Variants in RNLS observed in about 807,000 individuals in gnomAD.
The protein encoded by RNLS is renalase, FAD dependent amine oxidase.
RNLS carries 39 observed loss-of-function variants against 39.8 expected under a neutral mutation model. The observed-to-expected ratio is 0.98, with a 90% CI of 0.76 to 1.28. RNLS has a LOEUF of 1.28. RNLS is among the 50% of genes most tolerant of loss of function. The pLI, the probability that RNLS is intolerant of heterozygous loss-of-function variation, is 0.00. For synonymous variants in RNLS, 147 were observed against 150.7 expected (o/e 0.98, Z 0.18); for missense variants, 410 against 413.3 (o/e 0.99, Z 0.07).
At chr10:88,306,721 C>G (rs575554859) in intron 6 of RNLS, among the ~76,000 whole-genome samples, 21 of 152,212 alleles carry the variant, frequency 1.4e-4, no homozygotes, top group African/African-American at 5.1e-4. Flanking sequence ...CAGGACCAAA[C>G]AGATTCACCA....
chr10:88,200,318 G>T, the RNLS span, among the ~76,000 whole-genome samples: 3 of 152,306 alleles, frequency 2.0e-5, no homozygotes, highest in African/African-American at 7.2e-5. Context: ...CATGCTTACT[G>T]CACACTTAGT....
the RNLS span, among the ~76,000 whole-genome samples, chr10:88,187,359 A>G: frequency 6.6e-6 from 1 of 151,720 alleles, no homozygotes; most frequent in African/African-American, 2.4e-5. Context: ...TCCTTAGAAC[A>G]ATCGAGAATT....
At chr10:88,222,553 G>A in the RNLS span, among the ~76,000 whole-genome samples, 1 of 152,146 alleles carries the variant, frequency 6.6e-6, no homozygotes, top group Non-Finnish European at 1.5e-5. Context: ...AACCTCAGAT[G>A]ACAACATTGA....
rs531117505 is a variant in RNLS, at chr10:88,314,537, G to A, written c.805C>T (p.Gln269Ter). 1.4e-4 allele frequency: 230 copies of A among 1,614,012 alleles called. 3 individuals carry two copies. The South Asian group carries it at 1.8e-3, about 12-fold the overall frequency. The change falls in exon 6 of 7, where the codon CAG becomes TAG. Residue 269 changes from glutamine to a stop codon, truncating the protein, a stop_gained. Coordinates refer to ENST00000331772, the MANE Select transcript of RNLS (RefSeq NM_001031709.3). LOFTEE classifies it high-confidence loss of function. ...AAACCCGGCAAAATGTTTTCCAGCT[G>A]CTGGAAGACTAACTCTTGCACATCC... Reference protein sequence around the residue: ...IEDVQELVFQQLENILPGLPQ... With the variant: ...IEDVQELVFQ
At chr10:88,182,942 G>A in the RNLS span, among the ~76,000 whole-genome samples, 4 of 151,988 alleles carry the variant, frequency 2.6e-5, no homozygotes, top group Admixed American at 6.6e-5. Flanking sequence ...CTACATGCCC[G>A]GCACTTACCA....
chr10:88,530,901 A>G (rs1847384905), intron 4 of RNLS, among the ~76,000 whole-genome samples: 1 of 152,214 alleles, frequency 6.6e-6, no homozygotes, highest in Non-Finnish European at 1.5e-5. Flanking sequence ...TCCACAGGAA[A>G]CAAAGAGGGA....
chr10:88,274,849 C>T, exon 7 of RNLS: 1 of 767,074 alleles, frequency 1.3e-6, no homozygotes, highest in Non-Finnish European at 2.2e-6. Flanking sequence ...TCCTTGCCAA[C>T]ATTTATCTTC....
At chr10:88,367,489 G>T (rs1850217636) in intron 4 of RNLS, among the ~76,000 whole-genome samples, 1 of 152,132 alleles carries the variant, frequency 6.6e-6, no homozygotes, top group African/African-American at 2.4e-5. Context: ...CATAGGGATT[G>T]TTTGTAGATT....
the RNLS span, among the ~76,000 whole-genome samples, chr10:88,265,612 T>C: frequency 6.6e-6 from 1 of 152,128 alleles, no homozygotes; most frequent in Non-Finnish European, 1.5e-5. Flanking sequence ...ATTTTGCAGC[T>C]ATCGTGAAAG....
chr10:88,476,861 T>C (rs1843850470), intron 4 of RNLS, among the ~76,000 whole-genome samples: 1 of 152,212 alleles, frequency 6.6e-6, no homozygotes, highest in South Asian at 2.1e-4. Flanking sequence ...TCATAAAACA[T>C]GCAAACCCAA....
chr10:88,195,439 C>T, the RNLS span, among the ~76,000 whole-genome samples: 1 of 152,118 alleles, frequency 6.6e-6, no homozygotes, highest in East Asian at 1.9e-4. Context: ...CCTTTGCTAC[C>T]CTCCATTGCC....
At chr10:88,226,738 C>CTTTTTTTT in the RNLS span, among the ~76,000 whole-genome samples, 3 of 69,444 alleles carry the variant, frequency 4.3e-5, no homozygotes, top group Non-Finnish European at 2.6e-5. Context: ...TCTCCCTTCA[C>CTTTTTTTT]TTTTTTTTTT....
intron 3 of RNLS, among the ~76,000 whole-genome samples, chr10:88,576,641 G>A (rs562603244): frequency 2.0e-4 from 30 of 152,230 alleles, no homozygotes; most frequent in East Asian, 1.7e-3. Context: ...ACGGATGAGT[G>A]CCAGGATCAC....
At chr10:88,521,819 G>A (rs1049850750) in intron 4 of RNLS, among the ~76,000 whole-genome samples, 1 of 152,028 alleles carries the variant, frequency 6.6e-6, no homozygotes, top group African/African-American at 2.4e-5. Context: ...GAACACCAAG[G>A]ACTAAGTCAA....
intron 4 of RNLS, among the ~76,000 whole-genome samples, chr10:88,414,922 A>G (rs1279126351): frequency 6.6e-6 from 1 of 152,178 alleles, no homozygotes; most frequent in Admixed American, 6.6e-5. Flanking sequence ...GCCTGTGGGT[A>G]TCTAGAGCTC....
At chr10:88,380,929 C>T (rs900395594) in intron 4 of RNLS, among the ~76,000 whole-genome samples, 2 of 152,102 alleles carry the variant, frequency 1.3e-5, no homozygotes, top group African/African-American at 4.8e-5. Flanking sequence ...GAAATGCCTC[C>T]TTTATGAACT....
intron 4 of RNLS, among the ~76,000 whole-genome samples, chr10:88,497,831 G>C (rs1403404675): frequency 1.3e-5 from 2 of 151,900 alleles, no homozygotes; most frequent in African/African-American, 4.8e-5. Context: ...AACAACACCT[G>C]GTCTCTGAAT....
Position 88,310,824 on chromosome 10 carries a change from A to AAAAAAAAAG in RNLS, c.876+3641_876+3642insCTTTTTTTT, listed in dbSNP as rs1217903555. 9.7e-5 allele frequency among the ~76,000 whole-genome samples: 11 copies of AAAAAAAAAG among 113,394 alleles called. 1 individual carries two copies. Among genetic ancestry groups the AAAAAAAAAG allele is most frequent in the East Asian group, 2.5e-4 (1 of 4,042 alleles). 74.4% of individuals were successfully genotyped at this position (113,394 alleles called of 152,430 possible). ...GCCAAAAAAAAAAAAAAAAAAAAAAAAAAGAAAGAAAAGGAAGAGAAAAGG... is the reference window on the plus strand; with the variant it reads ...GCCAAAAAAAAAAAAAAAAAAAAAAAAAAAAAAAGAAAGAAAGAAAAGGAAGAGAAAAGG... On this transcript the variant is annotated intron_variant, in intron 6 of 6. Transcript: ENST00000331772.
chr10:88,317,577 T>C lies in RNLS; in HGVS notation c.701-2936A>G, dbSNP rs7906695. ...ATTTTTTTGTGTGTGTTTCGTAAAA[T>C]ATACATAAAATTTACTGTTTTAACC... On this transcript the variant is annotated intron_variant, in intron 5 of 6. Transcript: ENST00000331772. 2.2e-3 allele frequency among the ~76,000 whole-genome samples: 339 copies of C among 152,314 alleles called. 1 individual carries two copies. The highest frequency in any genetic ancestry group is 7.8e-3 in the African/African-American group (323 of 41,572).
Sources: gnomAD v4.1 joint callset for allele counts (sites outside exome capture counted in the v4.1 genomes callset) on GRCh38, gnomAD v4.1.1 for gene constraint, MANE v1.5 for transcripts, NCBI Gene and HGNC (gene_info 2026-07-23, HGNC 2026-07-21) for gene names.